Variants in CACNG3 observed in about 807,000 individuals in gnomAD.
CACNG3 encodes the protein calcium voltage-gated channel auxiliary subunit gamma 3, also known as voltage-dependent calcium channel gamma-3 subunit.
In CACNG3, 3 loss-of-function variants were observed where a neutral mutation model predicts 28.5. The ratio of observed to expected loss-of-function variants is 0.11; its 90% CI spans 0.05 to 0.27. CACNG3 has a LOEUF of 0.27. CACNG3 is among the 10% of genes least tolerant of loss of function. The pLI is 1.00. For missense variants in CACNG3, 236 were observed against 414.4 expected (o/e 0.57, Z 3.74); for synonymous variants, 174 against 162.2 (o/e 1.07, Z -0.55).
chr16:24,305,200 C>T (rs1394540852), intron 1 of CACNG3, among the ~76,000 whole-genome samples: 1 of 151,960 alleles, frequency 6.6e-6, no homozygotes, highest in African/African-American at 2.4e-5. Flanking sequence ...AGATGCTATG[C>T]ATGAATGGGG....
chr16:24,359,180 G>A (rs1900074028), intron 3 of CACNG3, among the ~76,000 whole-genome samples: 1 of 152,074 alleles, frequency 6.6e-6, no homozygotes, highest in South Asian at 2.1e-4. Context: ...GAGTCAGGGG[G>A]CATCAATAGA....
intron 1 of CACNG3, among the ~76,000 whole-genome samples, chr16:24,277,416 G>T (rs1050918752): frequency 6.6e-6 from 1 of 152,168 alleles, no homozygotes. Context: ...GCGCAGGACA[G>T]CCCCTACAAC....
At chr16:24,344,341 G>A (rs1899829982) in intron 1 of CACNG3, among the ~76,000 whole-genome samples, 1 of 151,844 alleles carries the variant, frequency 6.6e-6, no homozygotes, top group Non-Finnish European at 1.5e-5. Context: ...CCTGGGAGGT[G>A]GAGGTTGCAG....
At chr16:24,277,621 A>G (rs1898769718) in intron 1 of CACNG3, among the ~76,000 whole-genome samples, 1 of 152,022 alleles carries the variant, frequency 6.6e-6, no homozygotes, top group Non-Finnish European at 1.5e-5. Flanking sequence ...CCAAAAATAC[A>G]AAAATTGGCC....
intron 3 of CACNG3, among the ~76,000 whole-genome samples, chr16:24,357,333 C>T (rs990027255): frequency 6.6e-6 from 1 of 151,744 alleles, no homozygotes; most frequent in African/African-American, 2.4e-5. Context: ...ATTATCTCCA[C>T]CTGGCTCCAC....
intron 1 of CACNG3, among the ~76,000 whole-genome samples, chr16:24,343,007 TG>T (rs1210539880): frequency 6.6e-6 from 1 of 152,000 alleles, no homozygotes; most frequent in Admixed American, 6.6e-5. Context: ...CTGGACAATA[TG>T]GCAAAACCCT....
chr16:24,278,068 C>T (rs540870409), intron 1 of CACNG3, among the ~76,000 whole-genome samples: 4 of 151,902 alleles, frequency 2.6e-5, no homozygotes, highest in East Asian at 3.9e-4. Context: ...ATTTTTGAGA[C>T]GTAAGAAGGG....
rs146346785 is a variant in CACNG3 at position 24,341,751 on chromosome 16, G to A, written c.212-4983G>A. Among the ~76,000 whole-genome samples the A allele has an allele frequency of 2.1e-4, 32 of 152,232 alleles. 2 individuals carry two copies. The East Asian group carries it at 4.4e-3, about 21-fold the overall frequency. ...GCTCTTACTAAATACATTTTGGTTCGGGGGTTGCAAACTCAAATATCTACA... is the reference window on the plus strand; with the variant it reads ...GCTCTTACTAAATACATTTTGGTTCAGGGGTTGCAAACTCAAATATCTACA... On this transcript the variant is annotated intron_variant, in intron 1 of 3. Coordinates refer to ENST00000005284, the MANE Select transcript of CACNG3 (RefSeq NM_006539.4).
At chr16:24,301,328 C>T (rs1899108359) in intron 1 of CACNG3, among the ~76,000 whole-genome samples, 1 of 151,986 alleles carries the variant, frequency 6.6e-6, no homozygotes, top group Non-Finnish European at 1.5e-5. Context: ...TATCTTGCAA[C>T]CACATTCACT....
In CACNG3 at chr16:24,260,641, T is replaced by A. The variant is rs78528312; in HGVS notation, c.211+3676T>A. Among the ~76,000 whole-genome samples, 423 of 152,316 alleles carry A rather than the reference T, an allele frequency of 2.8e-3. 3 individuals are homozygous for A. Among genetic ancestry groups the A allele is most frequent in the African/African-American group, 9.8e-3 (408 of 41,572 alleles). On this transcript the variant is annotated intron_variant, in intron 1 of 3. Coordinates refer to ENST00000005284, the MANE Select transcript of CACNG3 (RefSeq NM_006539.4). ...TAGTTTGTGAAAATGCCCAGGCACA[T>A]GGGTTTTTCCATTCAGAAGTTTCAG...
chr16:24,263,945 T>C (rs1366184786), intron 1 of CACNG3, among the ~76,000 whole-genome samples: 1 of 152,162 alleles, frequency 6.6e-6, no homozygotes, highest in East Asian at 1.9e-4. Flanking sequence ...TTCATAATGA[T>C]TGAGTGCTGG....
chr16:24,323,700 C>T (rs768826544), intron 1 of CACNG3, among the ~76,000 whole-genome samples: 14 of 152,192 alleles, frequency 9.2e-5, no homozygotes, highest in Non-Finnish European at 1.9e-4. Context: ...GGAGTCATTA[C>T]CTTTGCCTGG....
chr16:24,265,151 A>G (rs967459770), intron 1 of CACNG3, among the ~76,000 whole-genome samples: 2 of 152,092 alleles, frequency 1.3e-5, no homozygotes, highest in African/African-American at 4.8e-5. Context: ...CTGAAGTGGG[A>G]GGATGATTAG....
At chr16:24,272,314 C>T (rs973489997) in intron 1 of CACNG3, among the ~76,000 whole-genome samples, 2 of 152,048 alleles carry the variant, frequency 1.3e-5, no homozygotes, top group Non-Finnish European at 2.9e-5. Context: ...ACTATAGACT[C>T]ATCTCCTTTC....
chr16:24,280,710 G>C (rs1402073343), intron 1 of CACNG3, among the ~76,000 whole-genome samples: 1 of 150,632 alleles, frequency 6.6e-6, no homozygotes, highest in Admixed American at 6.6e-5. Context: ...CAGCTACTTG[G>C]GAGGCTGAAG....
chr16:24,336,617 TG>T (rs1408286207), intron 1 of CACNG3, among the ~76,000 whole-genome samples: 1 of 120,738 alleles, frequency 8.3e-6, no homozygotes, highest in African/African-American at 2.6e-5. Flanking sequence ...GTCCAGGCAC[TG>T]TGACTCATAC....
intron 2 of CACNG3, among the ~76,000 whole-genome samples, chr16:24,349,702 T>A (rs1392709921): frequency 6.6e-6 from 1 of 152,198 alleles, no homozygotes; most frequent in Non-Finnish European, 1.5e-5. Flanking sequence ...CATCTTGGTT[T>A]TGGCGGGTTT....
intron 1 of CACNG3, among the ~76,000 whole-genome samples, chr16:24,268,882 C>A (rs886996718): frequency 6.6e-6 from 1 of 152,164 alleles, no homozygotes; most frequent in East Asian, 1.9e-4. Flanking sequence ...GCGTCAGGCA[C>A]GAGTCAACCC....
chr16:24,334,465 G>A (rs1023464046), intron 1 of CACNG3, among the ~76,000 whole-genome samples: 28 of 152,170 alleles, frequency 1.8e-4, no homozygotes, highest in Admixed American at 1.8e-3. Flanking sequence ...ACCAAAATCT[G>A]CCCCAGGACC....
Sources: gnomAD v4.1 joint callset for allele counts (sites outside exome capture counted in the v4.1 genomes callset) on GRCh38, gnomAD v4.1.1 for gene constraint, MANE v1.5 for transcripts, NCBI Gene and HGNC (gene_info 2026-07-23, HGNC 2026-07-21) for gene names.